The following LEMD1 variants were observed in gnomAD, a reference collection of about 807,000 sequenced individuals.
The protein encoded by LEMD1 is LEM domain-containing protein 1.
Under a neutral mutation model 17.4 loss-of-function variants are expected in LEMD1, and 18 were observed. The observed-to-expected ratio is 1.04, with a 90% CI of 0.72 to 1.54. LEMD1 has a LOEUF of 1.54. LEMD1 is among the 40% of genes most tolerant of loss of function. The pLI is 0.00. For synonymous variants in LEMD1, 88 were observed against 77.8 expected (o/e 1.13, Z -0.69); for missense variants, 195 against 210.4 (o/e 0.93, Z 0.45).
chr1:205,419,575 C>T (rs148691326), intron 2 of LEMD1, among the ~76,000 whole-genome samples: 205 of 152,304 alleles, frequency 1.3e-3, no homozygotes, highest in African/African-American at 4.3e-3. Flanking sequence ...AGCGATTCTC[C>T]GGCCTCAGCC....
Position 205,441,099 on chromosome 1 carries a change from G to A in LEMD1, c.-39+8769C>T. ...GGCAGGGGAGGGAGAGGGGGCAGGA[G>A]AAAGGCAGGAAGAGAGAAGCAAGCT... On this transcript the variant is annotated intron_variant, in intron 1 of 3. Coordinates refer to the LEMD1 transcript ENST00000367154. The surrounding 1 kb of genome is among the most constrained non-coding windows in gnomAD (Gnocchi z 4.3). The A allele has an allele frequency of 6.5e-6, 1 of 153,040 alleles. No homozygotes were observed. The highest frequency in any genetic ancestry group is 1.5e-5 in the Non-Finnish European group (1 of 68,432). The allele number at this position is 153,040 out of a possible 1,614,324, so 9.5% of individuals were successfully genotyped here.
At chr1:205,431,954 G>A (rs540279793) in intron 1 of LEMD1, among the ~76,000 whole-genome samples, 69 of 152,114 alleles carry the variant, frequency 4.5e-4, no homozygotes, top group African/African-American at 1.6e-3. Context: ...TGACCTCGTG[G>A]TCCACCCACC....
chr1:205,391,007 G>T (rs924461317), intron 4 of LEMD1, among the ~76,000 whole-genome samples: 8 of 138,686 alleles, frequency 5.8e-5, no homozygotes, highest in Non-Finnish European at 1.1e-4. Context: ...TCTCAGCACC[G>T]CACAATATAC....
intron 1 of LEMD1, among the ~76,000 whole-genome samples, chr1:205,442,768 G>C (rs1666317076): frequency 6.6e-6 from 1 of 152,126 alleles, no homozygotes; most frequent in Admixed American, 6.5e-5. Flanking sequence ...GATATATATA[G>C]AGCCAAGACA....
intron 4 of LEMD1, among the ~76,000 whole-genome samples, chr1:205,402,675 A>G (rs1664906383): frequency 1.3e-5 from 2 of 151,822 alleles, no homozygotes; most frequent in African/African-American, 4.8e-5. Flanking sequence ...CTCTTTTCCT[A>G]ATTGAATACC....
Position 205,427,385 on chromosome 1 carries a change from A to C in LEMD1, c.-38-6811T>G, listed in dbSNP as rs191828309. ...CTGGGGCATCTCCCCATCTCATTTG[A>C]TATCATAGCTCACCCCTTTACCTGG... On this transcript the variant is annotated intron_variant, in intron 1 of 3. Transcript: ENST00000367154. 2.9e-3 allele frequency among the ~76,000 whole-genome samples: 444 copies of C among 151,996 alleles called. 3 individuals carry two copies. Among genetic ancestry groups the C allele is most frequent in the African/African-American group, 0.01 (423 of 41,440 alleles).
upstream of LEMD1, among the ~76,000 whole-genome samples, chr1:205,423,931 C>T (rs1157510322): frequency 1.3e-5 from 2 of 152,190 alleles, no homozygotes; most frequent in Admixed American, 1.3e-4. Flanking sequence ...TCCAATTTCT[C>T]TTCCCTTAAT....
At chr1:205,434,415 G>T (rs1012059679) in intron 1 of LEMD1, among the ~76,000 whole-genome samples, 1 of 150,994 alleles carries the variant, frequency 6.6e-6, no homozygotes, top group Non-Finnish European at 1.5e-5. Flanking sequence ...GCCCAGGCTG[G>T]TCTTAACTCC....
Position 205,419,325 on chromosome 1 carries a change from T to C in LEMD1, c.110A>G (p.Lys37Arg). The C allele has an allele frequency of 1.2e-6, 2 of 1,613,990 alleles. No homozygotes were observed. Among genetic ancestry groups the C allele is most frequent in the Non-Finnish European group, 8.5e-7 (1 of 1,179,858 alleles). ...LPSTRKLYEKKLVQLLVSPPC... is the reference protein window; with the variant it reads ...LPSTRKLYEKRLVQLLVSPPC... ...AGGTGAGACCAACAACTGTACTAAC[T>C]TTTTTTCATACAACTTTCTGGTGGA... is the stretch of plus-strand genomic sequence containing the variant. Residue 37 changes from lysine (K) to arginine (R), a missense_variant, in exon 3 of 6, where the codon AAG becomes AGG. Transcript: ENST00000367153.
At chr1:205,418,618 C>T (rs1450692281) in intron 3 of LEMD1, among the ~76,000 whole-genome samples, 3 of 152,154 alleles carry the variant, frequency 2.0e-5, no homozygotes, top group East Asian at 1.9e-4. Context: ...CTGGTTCAGG[C>T]GATTCTCCTG....
intron 1 of LEMD1, among the ~76,000 whole-genome samples, chr1:205,444,441 C>G (rs1239157799): frequency 6.6e-6 from 1 of 152,116 alleles, no homozygotes; most frequent in African/African-American, 2.4e-5. Context: ...CGTCCTCCCC[C>G]ACCACTAGGA....
At chr1:205,446,387 A>G (rs777815433) in intron 1 of LEMD1, among the ~76,000 whole-genome samples, 3 of 152,128 alleles carry the variant, frequency 2.0e-5, no homozygotes, top group Non-Finnish European at 4.4e-5. Context: ...TACCCCATCC[A>G]TCTTTTCTCC....
At chr1:205,442,841 T>A (rs1254001189) in intron 1 of LEMD1, among the ~76,000 whole-genome samples, 1 of 152,162 alleles carries the variant, frequency 6.6e-6, no homozygotes, top group Non-Finnish European at 1.5e-5. Context: ...GTGACAAACC[T>A]AGAGAGAGAC....
intron 1 of LEMD1, among the ~76,000 whole-genome samples, chr1:205,430,910 C>T (rs1160274164): frequency 6.6e-6 from 1 of 152,204 alleles, no homozygotes; most frequent in Non-Finnish European, 1.5e-5. Context: ...ACGCGTGGGG[C>T]TGTTTTTCCT....
chr1:205,392,168 A>G (rs1664374456), intron 4 of LEMD1, among the ~76,000 whole-genome samples: 1 of 152,076 alleles, frequency 6.6e-6, no homozygotes, highest in Non-Finnish European at 1.5e-5. Flanking sequence ...CATAATAGAC[A>G]CTGACATCAA....
chr1:205,419,559 T>G (rs913727), intron 2 of LEMD1, among the ~76,000 whole-genome samples: 128,348 of 152,200 alleles, frequency 0.84, 54,316 homozygotes, highest in East Asian at 1. Context: ...CTGCCTCCCA[T>G]ATTCAAGCGA....
chr1:205,441,121 A>G lies in LEMD1; in HGVS notation c.-39+8747T>C, dbSNP rs1310681468. 2 of 152,574 alleles carry G rather than the reference A, an allele frequency of 1.3e-5. No individual in the cohort carries two copies. The highest frequency in any genetic ancestry group is 2.9e-5 in the Non-Finnish European group (2 of 68,252). 9.5% of individuals were successfully genotyped at this position (152,574 alleles called of 1,614,324 possible). A position where few individuals can be genotyped will look rare whatever the true frequency, so the allele number is the denominator to read the frequency against. ...GGAGAAAGGCAGGAAGAGAGAAGCA[A>G]GCTGGGGTTAATGCTCCCAGAACCC... On this transcript the variant is annotated intron_variant, in intron 1 of 3. Coordinates refer to the LEMD1 transcript ENST00000367154. This position sits in a 1 kb window ranked among gnomAD's most constrained non-coding sequence, Gnocchi z 4.3.
chr1:205,434,110 T>C (rs1286625703), intron 1 of LEMD1, among the ~76,000 whole-genome samples: 1 of 152,200 alleles, frequency 6.6e-6, no homozygotes, highest in Non-Finnish European at 1.5e-5. Flanking sequence ...TTCTCTCTTT[T>C]ATAAGTCTGA....
At chr1:205,425,981 T>C (rs1211200444), upstream of LEMD1, among the ~76,000 whole-genome samples, 1 of 151,936 alleles carries the variant, frequency 6.6e-6, no homozygotes, top group Admixed American at 6.6e-5. Context: ...GGAGCTACCA[T>C]GGAGGGGTGG....
Sources: allele counts gnomAD v4.1 joint callset (sites outside exome capture counted in the v4.1 genomes callset), GRCh38; gene constraint gnomAD v4.1.1; non-coding constraint Gnocchi (gnomAD v3.1); transcripts MANE v1.5; gene names NCBI Gene and HGNC (gene_info 2026-07-23, HGNC 2026-07-21).